ARSG: variants seen among roughly 807,000 people sequenced by gnomAD.
ARSG encodes arylsulfatase G.
In ARSG, 37 loss-of-function variants were observed where a neutral mutation model predicts 50.5. The observed-to-expected ratio is 0.73, with a 90% CI of 0.56 to 0.96. The LOEUF is 0.96. ARSG is among the 50% of genes least tolerant of loss of function. The pLI, the probability that ARSG is intolerant of heterozygous loss-of-function variation, is 0.00. For synonymous variants in ARSG, 225 were observed against 254.6 expected, an observed-to-expected ratio of 0.88 and a Z score of 1.11; for missense variants, 629 against 675.3, an observed-to-expected ratio of 0.93 and a Z score of 0.76.
At chr17:68,419,005 C>T (rs1305791143) in intron 11 of ARSG, among the ~76,000 whole-genome samples, 3 of 138,276 alleles carry the variant, frequency 2.2e-5, no homozygotes, top group Admixed American at 1.5e-4. Context: ...ACTGCTTTTT[C>T]TATAGCAAAG....
intron 6 of ARSG, among the ~76,000 whole-genome samples, chr17:68,365,399 G>T (rs2079498775): frequency 6.6e-6 from 1 of 152,164 alleles, no homozygotes; most frequent in African/African-American, 2.4e-5. Flanking sequence ...AGGTCTGATT[G>T]TCCCCATTTT....
chr17:68,334,796 G>A (rs900522774), intron 2 of ARSG, among the ~76,000 whole-genome samples: 1 of 152,022 alleles, frequency 6.6e-6, no homozygotes, highest in Non-Finnish European at 1.5e-5. Context: ...CTTATATGGC[G>A]GCTCACAGAG....
At chr17:68,365,820 A>G (rs918645172) in intron 6 of ARSG, among the ~76,000 whole-genome samples, 1 of 152,230 alleles carries the variant, frequency 6.6e-6, no homozygotes, top group Admixed American at 6.5e-5. Flanking sequence ...TGTTATTTCC[A>G]CCACACAGAT....
chr17:68,360,133 G>A (rs532359122), intron 6 of ARSG, among the ~76,000 whole-genome samples: 9 of 152,318 alleles, frequency 5.9e-5, no homozygotes, highest in Admixed American at 2.0e-4. Context: ...ATCCATTAAA[G>A]GGCAAATCAA....
intron 11 of ARSG, among the ~76,000 whole-genome samples, chr17:68,417,786 T>A (rs1423128359): frequency 1.5e-5 from 2 of 135,104 alleles, no homozygotes; most frequent in Admixed American, 1.6e-4. Context: ...CTCACATTGT[T>A]GCCTGGGCTG....
At chr17:68,331,939 C>T (rs958323305) in intron 2 of ARSG, among the ~76,000 whole-genome samples, 24 of 152,034 alleles carry the variant, frequency 1.6e-4, no homozygotes, top group South Asian at 4.1e-4. Flanking sequence ...GGAGGCAGGG[C>T]GAGATCACAG....
At chr17:68,335,629 T>C (rs1326554771) in intron 2 of ARSG, among the ~76,000 whole-genome samples, 2 of 150,156 alleles carry the variant, frequency 1.3e-5, no homozygotes, top group Admixed American at 6.6e-5. Flanking sequence ...TCTGTGCGGG[T>C]ATTGGGGCGT....
chr17:68,397,474 C>T (rs931365445), intron 10 of ARSG, among the ~76,000 whole-genome samples: 3 of 152,046 alleles, frequency 2.0e-5, no homozygotes, highest in African/African-American at 7.3e-5. Flanking sequence ...TTGAGGACAA[C>T]ATGGGTAGTT....
In ARSG at chr17:68,420,415, T is replaced by A. The variant is rs1333022851; in HGVS notation, c.1530T>A (p.Thr510=). ...ATTACACTCAGGACCCTTCAGTAAC[T>A]CCCTGCTGTAATCCCTACCAAATTG... ...SADYTQDPSV[T]PCCNPYQIAC... Residue 510 remains threonine, a synonymous_variant, in exon 12 of 12, where the codon ACT becomes ACA. Coordinates refer to ENST00000621439, the MANE Select transcript of ARSG (RefSeq NM_001267727.2). 5.6e-6 allele frequency: 9 copies of A among 1,614,022 alleles called. No individual in the cohort carries two copies. Among genetic ancestry groups the A allele is most frequent in the Middle Eastern group, 1.6e-4 (1 of 6,084 alleles).
In ARSG at chr17:68,271,026, A is replaced by G; in HGVS notation, c.-552+11600A>G. On this transcript the variant is annotated intron_variant, in intron 1 of 11. Coordinates refer to the ARSG transcript ENST00000448504. This position sits in a 1 kb window ranked among gnomAD's most constrained non-coding sequence, Gnocchi z 5.3. ...ACATTAGACCCCAGAATTCAGTAGC[A>G]AAAGTAAAGGCAAACAGAGACACAG... The G allele has an allele frequency of 6.2e-7, 1 of 1,614,220 alleles. No homozygotes were observed. The highest frequency in any genetic ancestry group is 1.1e-5 in the South Asian group (1 of 91,092).
intron 1 of ARSG, among the ~76,000 whole-genome samples, chr17:68,296,938 T>C (rs1247842809): frequency 6.6e-6 from 1 of 152,214 alleles, no homozygotes; most frequent in Admixed American, 6.5e-5. Flanking sequence ...AATGATGAGA[T>C]GAAGCTGGCA....
chr17:68,387,692 G>A (rs1365736928), intron 9 of ARSG, among the ~76,000 whole-genome samples: 4 of 152,098 alleles, frequency 2.6e-5, no homozygotes, highest in African/African-American at 4.8e-5. Context: ...GGCACCCTCC[G>A]CCCAGACTGC....
chr17:68,371,741 T>G (rs1184298801), intron 8 of ARSG, among the ~76,000 whole-genome samples: 1 of 152,194 alleles, frequency 6.6e-6, no homozygotes, highest in East Asian at 1.9e-4. Flanking sequence ...AACCCAAGTG[T>G]CTAGTAAGAA....
the ARSG span, chr17:68,428,712 G>T: frequency 1.3e-6 from 1 of 766,850 alleles, no homozygotes; most frequent in Non-Finnish European, 2.2e-6. Flanking sequence ...TTGCCACTGA[G>T]ACTGCCAGTG....
intron 1 of ARSG, among the ~76,000 whole-genome samples, chr17:68,299,626 C>T (rs902598330): frequency 2.6e-5 from 4 of 151,878 alleles, no homozygotes; most frequent in Non-Finnish European, 5.9e-5. Context: ...AGGGCAAACA[C>T]CGTAATTTAT....
chr17:68,371,433 G>A (rs532174429), intron 8 of ARSG, among the ~76,000 whole-genome samples: 3 of 151,986 alleles, frequency 2.0e-5, no homozygotes, highest in Non-Finnish European at 1.5e-5. Flanking sequence ...GTTGGTGCTC[G>A]CCCTGTTGTA....
chr17:68,385,912 G>A (rs1379444658), intron 9 of ARSG, among the ~76,000 whole-genome samples: 2 of 152,176 alleles, frequency 1.3e-5, no homozygotes, highest in Non-Finnish European at 2.9e-5. Context: ...GGAGGGTGGA[G>A]AAGAAAGGTG....
At chr17:68,428,380 C>T in the ARSG span, 4 of 172,822 alleles carry the variant, frequency 2.3e-5, no homozygotes, top group African/African-American at 9.6e-5. Context: ...AGGTGTGTGC[C>T]ACCACAACCG....
At chr17:68,435,075 C>T in the ARSG span, among the ~76,000 whole-genome samples, 6 of 152,088 alleles carry the variant, frequency 3.9e-5, no homozygotes, top group African/African-American at 1.4e-4. Context: ...GGCGTGGCAG[C>T]ATGTGCCTGT....
Sources: allele counts gnomAD v4.1 joint callset (sites outside exome capture counted in the v4.1 genomes callset), GRCh38; gene constraint gnomAD v4.1.1; non-coding constraint Gnocchi (gnomAD v3.1); transcripts MANE v1.5; gene names NCBI Gene and HGNC (gene_info 2026-07-23, HGNC 2026-07-21).